ABCC2: variants seen among roughly 807,000 people sequenced by gnomAD.
ABCC2 encodes ATP-binding cassette sub-family C member 2.
ABCC2 carries 157 observed loss-of-function variants against 173.4 expected under a neutral mutation model. The ratio of observed to expected loss-of-function variants is 0.91; its 90% CI spans 0.80 to 1.03. The LOEUF is 1.03. ABCC2 is among the 50% of genes least tolerant of loss of function. The pLI is 0.00. For synonymous variants in ABCC2, 657 were observed against 693.5 expected (o/e 0.95, Z 0.83); for missense variants, 1,822 against 1,852.3 (o/e 0.98, Z 0.30).
In ABCC2 at chr10:99,830,347, G is replaced by A. The variant is rs374606949; in HGVS notation, c.2661G>A (p.Leu887=). Residue 887 remains leucine (L), a synonymous_variant, in exon 20 of 32, where the codon CTG becomes CTA. Coordinates refer to ENST00000647814, the MANE Select transcript of ABCC2 (RefSeq NM_000392.5). ...AAGAAGAAGACGATGACTATGGGCT[G>A]ATATCCAGTGTGGAAGAGATCCCCG... ...GSEEEDDDYG[L]ISSVEEIPED... is the part of the protein sequence containing the mutation. 4.3e-6 allele frequency: 7 copies of A among 1,614,012 alleles called. No individual in the cohort carries two copies. The Middle Eastern group carries it at 4.9e-4, about 114-fold the overall frequency.
intron 19 of ABCC2, among the ~76,000 whole-genome samples, chr10:99,828,648 T>C (rs2038686697): frequency 6.6e-6 from 1 of 152,202 alleles, no homozygotes; most frequent in South Asian, 2.1e-4. Context: ...TTCTTTGTCA[T>C]TGTCATGTGT....
At chr10:99,800,023 G>A (rs374499331) in intron 8 of ABCC2, among the ~76,000 whole-genome samples, 5 of 152,208 alleles carry the variant, frequency 3.3e-5, no homozygotes, top group African/African-American at 9.6e-5. Context: ...TCAACATAAC[G>A]AGACCCCATC....
At chr10:99,814,594 T>C (rs1420959971) in intron 16 of ABCC2, among the ~76,000 whole-genome samples, 2 of 31,184 alleles carry the variant, frequency 6.4e-5, no homozygotes, top group South Asian at 1.5e-3. Context: ...TATACACATA[T>C]ACACACACAT....
intron 29 of ABCC2, 145 bp downstream of exon 29, chr10:99,845,927 G>T (rs1175513977): frequency 2.1e-6 from 2 of 930,816 alleles, no homozygotes; most frequent in Non-Finnish European, 3.3e-6. Context: ...TCCCTAGGAT[G>T]GACACGTCAT....
intron 21 of ABCC2, among the ~76,000 whole-genome samples, chr10:99,831,381 C>T (rs1246405555): frequency 2.6e-5 from 4 of 152,288 alleles, no homozygotes; most frequent in Non-Finnish European, 5.9e-5. Context: ...ATATCTTCTC[C>T]TCTTAAATGC....
intron 11 of ABCC2, among the ~76,000 whole-genome samples, chr10:99,806,061 G>GTC (rs951981564): frequency 3.5e-5 from 4 of 114,568 alleles, no homozygotes; most frequent in South Asian, 3.3e-4. Context: ...ATCTACTACA[G>GTC]TCTCTCTCTC....
chr10:99,799,249 G>T lies in ABCC2; in HGVS notation c.910G>T (p.Asp304Tyr). The stretch of plus-strand genomic sequence containing the variant: ...AAAAAAGAAGTCTGGGACCAAAAAA[G>T]ATGTTCCAAAATCCTGGTTGATGAA... ...KKKKKSGTKK[D>Y]VPKSWLMKAL... Residue 304 changes from aspartate (D) to tyrosine (Y), a missense_variant, in exon 8 of 32, where the codon GAT (aspartate) becomes TAT (tyrosine). Asp to Tyr is a radical substitution (Grantham distance 160). Coordinates refer to ENST00000647814, the MANE Select transcript of ABCC2 (RefSeq NM_000392.5). 6.2e-7 allele frequency: 1 copy of T among 1,614,110 alleles called. No homozygotes were observed. Among genetic ancestry groups the T allele is most frequent in the Non-Finnish European group, 8.5e-7 (1 of 1,180,010 alleles).
At position 99,836,190 on chromosome 10, in the gene ABCC2, G is replaced by C; in HGVS notation, c.3514G>C (p.Val1172Leu). 6.2e-7 allele frequency: 1 copy of C among 1,614,216 alleles called. No individual in the cohort carries two copies. The change falls in exon 25 of 32, where the codon GTT becomes CTT. Residue 1172 changes from valine (V) to leucine (L), a missense_variant. Val to Leu is a conservative substitution (Grantham distance 32, BLOSUM62 1). Coordinates refer to ENST00000647814, the MANE Select transcript of ABCC2 (RefSeq NM_000392.5). ...HFSETVSGLP[V>L]IRAFEHQQRF... The stretch of plus-strand genomic sequence containing the variant: ...CAGCGAGACCGTATCAGGTTTGCCA[G>C]TTATCCGTGCCTTTGAGCACCAGCA...
rs1564685864 is a variant in ABCC2, at chr10:99,814,678, C to CACACATATATGTGTATATACACATAT, written c.2094+1539_2094+1540insTATATGTGTATATACACATATACACA. Among the ~76,000 whole-genome samples the CACACATATATGTGTATATACACATAT allele has an allele frequency of 6.2e-4, 74 of 119,600 alleles. 6 individuals carry two copies. The highest frequency in any genetic ancestry group is 9.4e-4 in the Non-Finnish European group (51 of 54,056). The allele number at this position is 119,600 out of a possible 152,430, so 78.5% of individuals were successfully genotyped here. On this transcript the variant is annotated intron_variant, in intron 16 of 31. Coordinates refer to ENST00000647814, the MANE Select transcript of ABCC2 (RefSeq NM_000392.5). ...ACACATATGTGTATATACACATATA[C>CACACATATATGTGTATATACACATAT]ACACACGTGTATATACACATATATG... is the stretch of plus-strand genomic sequence containing the variant.
At chr10:99,838,163 A>C (rs1210392480) in intron 25 of ABCC2, among the ~76,000 whole-genome samples, 6 of 54,210 alleles carry the variant, frequency 1.1e-4, no homozygotes, top group Non-Finnish European at 7.7e-5. Context: ...CTGACCCCCC[A>C]ACCTCCCTCC....
intron 24 of ABCC2, 119 bp from the exon 25 acceptor site, chr10:99,835,972 T>G: frequency 1.0e-6 from 1 of 993,056 alleles, no homozygotes; most frequent in Middle Eastern, 3.0e-4. Context: ...GCTTTTGTCT[T>G]GTTCAGACGT....
intron 8 of ABCC2, among the ~76,000 whole-genome samples, chr10:99,799,606 C>T (rs568382359): frequency 1.3e-5 from 2 of 152,256 alleles, no homozygotes; most frequent in Non-Finnish European, 1.5e-5. Context: ...TCATAGGGGG[C>T]CGGGTAATTG....
At chr10:99,849,385 G>A (rs2039059482) in intron 30 of ABCC2, among the ~76,000 whole-genome samples, 4 of 152,238 alleles carry the variant, frequency 2.6e-5, no homozygotes, top group Admixed American at 6.5e-5. Flanking sequence ...CATTTGGGAT[G>A]CTATGGTAGG....
chr10:99,789,709 CAA>C (rs11412117), intron 2 of ABCC2, among the ~76,000 whole-genome samples: 3 of 98,306 alleles, frequency 3.1e-5, no homozygotes, highest in South Asian at 3.5e-4. Flanking sequence ...AACTCCGTCT[CAA>C]AAAAAAAAAA....
At chr10:99,835,726 T>C (rs80262435) in intron 24 of ABCC2, among the ~76,000 whole-genome samples, 4,491 of 152,202 alleles carry the variant, frequency 0.03, 221 homozygotes, top group African/African-American at 0.1. Context: ...TACAAAATCC[T>C]TTTGGGGACC....
intron 19 of ABCC2, among the ~76,000 whole-genome samples, chr10:99,825,314 C>T (rs1269775456): frequency 6.6e-6 from 1 of 152,186 alleles, no homozygotes. Context: ...TGAGGCTGTG[C>T]CTATGCCGAC....
chr10:99,839,376 C>A (rs1590188781), intron 25 of ABCC2, among the ~76,000 whole-genome samples: 3 of 89,184 alleles, frequency 3.4e-5, no homozygotes, highest in African/African-American at 4.0e-5. Flanking sequence ...TGACCCCCCC[C>A]CACCTCCCTC....
At position 99,842,106 on chromosome 10, in the gene ABCC2, G is replaced by C. The variant is rs762305095; in HGVS notation, c.3741+13G>C. 6.2e-7 allele frequency: 1 copy of C among 1,614,146 alleles called. No individual in the cohort carries two copies. Among genetic ancestry groups the C allele is most frequent in the Non-Finnish European group, 8.5e-7 (1 of 1,180,018 alleles). ...CAATGCACTCAATGTGAGTTTGAAG[G>C]TTGGGAGTTTGGTTTCGTTAGTGTG... On this transcript the variant is annotated intron_variant, in intron 26 of 31. Transcript: ENST00000647814.
intron 15 of ABCC2, among the ~76,000 whole-genome samples, chr10:99,812,098 A>C (rs139013603): frequency 0.029 from 4,472 of 152,292 alleles, 104 homozygotes; most frequent in Non-Finnish European, 0.047. Context: ...CACAGAGTAC[A>C]CCAGGAGGCT....
Sources: gnomAD v4.1 joint callset for allele counts (sites outside exome capture counted in the v4.1 genomes callset) on GRCh38, gnomAD v4.1.1 for gene constraint, MANE v1.5 for transcripts, NCBI Gene and HGNC (gene_info 2026-07-23, HGNC 2026-07-21) for gene names.